SCN10A: variants seen among roughly 807,000 people sequenced by gnomAD.
SCN10A encodes the protein sodium channel protein type 10 subunit alpha.
SCN10A carries 162 observed loss-of-function variants against 170.7 expected under a neutral mutation model. The observed-to-expected ratio is 0.95, with a 90% CI of 0.84 to 1.08. The LOEUF is 1.08. Ranked by LOEUF, SCN10A falls within the 50% of genes least tolerant of loss-of-function variation. The probability of loss-of-function intolerance (pLI) is 0.00; values close to 1 mark genes in which losing one functional copy is unlikely to be tolerated. For synonymous variants in SCN10A, 985 were observed against 904.6 expected (o/e 1.09, Z -1.59); for missense variants, 2,527 against 2,436.9 (o/e 1.04, Z -0.78).
chr3:38,749,368 CA>C (rs887184275), intron 13 of SCN10A, among the ~76,000 whole-genome samples: 4 of 151,906 alleles, frequency 2.6e-5, no homozygotes, highest in Admixed American at 2.0e-4. Flanking sequence ...TACCCTAAGG[CA>C]AAAAAAGGCT....
At chr3:38,704,809 C>A (rs967265673) in intron 26 of SCN10A, among the ~76,000 whole-genome samples, 2 of 152,182 alleles carry the variant, frequency 1.3e-5, no homozygotes, top group African/African-American at 4.8e-5. Context: ...ACTGATGGGG[C>A]AGAAATCCTG....
intron 1 of SCN10A, among the ~76,000 whole-genome samples, chr3:38,811,322 G>A (rs376020648): frequency 1.2e-3 from 182 of 151,964 alleles, no homozygotes; most frequent in African/African-American, 4.2e-3. Flanking sequence ...GCATGGTGGC[G>A]TGAACCTGTA....
At chr3:38,740,919 T>C (rs974983267) in intron 14 of SCN10A, among the ~76,000 whole-genome samples, 2 of 152,204 alleles carry the variant, frequency 1.3e-5, no homozygotes, top group East Asian at 3.9e-4. Flanking sequence ...GGTCTTAGGC[T>C]GACTTCTTGG....
rs1234812427 is a variant in SCN10A at position 38,697,488 on chromosome 3, GTTTCAGATTTGTCTGGGAGTACACAAT to G, written c.5705_5731del (p.Asn1902_Glu1910del). The G allele has an allele frequency of 6.2e-7, 1 of 1,614,062 alleles. No individual in the cohort carries two copies. The highest frequency in any genetic ancestry group is 8.5e-7 in the Non-Finnish European group (1 of 1,180,052). Reference sequence around the variant, plus strand: ...CGGTGGGAATGATGTGGCAGAAGCAGTTTCAGATTTGTCTGGGAGTACACAATTTTCATTTGCTGTGAATGCAACAAA... The same window carrying G: ...CGGTGGGAATGATGTGGCAGAAGCAGTTTCATTTGCTGTGAATGCAACAAA... On this transcript the variant is annotated inframe_deletion, in exon 28 of 28. Coordinates refer to ENST00000449082, the MANE Select transcript of SCN10A (RefSeq NM_006514.4).
rs370805147 is a variant in SCN10A, at chr3:38,702,131, G to T, written c.4387-22C>A. 3.3e-6 allele frequency: 5 copies of T among 1,526,854 alleles called. No homozygotes were observed. In the African/African-American group the frequency reaches 6.9e-5, roughly 21 times the overall value. 94.6% of individuals were successfully genotyped at this position (1,526,854 alleles called of 1,614,324 possible). A position where few individuals can be genotyped will look rare whatever the true frequency, so the allele number is the denominator to read the frequency against. On this transcript the variant is annotated intron_variant, in intron 26 of 27. Transcript: ENST00000449082. ...TGTTCTGAGAAAACAAGAGATAGTG[G>T]CATCAGGGCCTTTGGGCCAGCACAA...
chr3:38,792,360 C>A (rs193035864), intron 2 of SCN10A, among the ~76,000 whole-genome samples, 192 bp from the exon 3 acceptor site: 1 of 152,032 alleles, frequency 6.6e-6, no homozygotes, highest in Non-Finnish European at 1.5e-5. Flanking sequence ...ATATCCTCAC[C>A]CTCTCAGCAA....
chr3:38,743,614 T>G (rs774529527), intron 13 of SCN10A, among the ~76,000 whole-genome samples: 10 of 152,184 alleles, frequency 6.6e-5, no homozygotes, highest in Admixed American at 1.3e-4. Flanking sequence ...TTATAACATT[T>G]GACAGAATTT....
chr3:38,734,288 C>A (rs1460337927), intron 15 of SCN10A, among the ~76,000 whole-genome samples: 1 of 152,148 alleles, frequency 6.6e-6, no homozygotes, highest in Non-Finnish European at 1.5e-5. Flanking sequence ...TCCCAAAATT[C>A]TGGGATTACA....
intron 13 of SCN10A, among the ~76,000 whole-genome samples, chr3:38,743,125 G>A (rs1226623468): frequency 1.3e-5 from 2 of 151,962 alleles, no homozygotes; most frequent in African/African-American, 4.8e-5. Flanking sequence ...TCTAACCTCC[G>A]GCTCTTCTTT....
intron 11 of SCN10A, 33 bp from the exon 12 acceptor site, chr3:38,752,545 G>A: frequency 6.7e-7 from 1 of 1,500,294 alleles, no homozygotes. Context: ...AAGAAGGCTG[G>A]AAACTGGTCC....
chr3:38,773,801 A>G (rs1384741185), intron 4 of SCN10A, among the ~76,000 whole-genome samples: 1 of 152,258 alleles, frequency 6.6e-6, no homozygotes, highest in Non-Finnish European at 1.5e-5. Context: ...TGTAACAGGA[A>G]GATGAGGGTG....
intron 24 of SCN10A, among the ~76,000 whole-genome samples, chr3:38,710,563 C>T (rs891384653): frequency 1.3e-5 from 2 of 152,176 alleles, no homozygotes; most frequent in African/African-American, 4.8e-5. Context: ...GGGAGTGGCT[C>T]ACATGAACTG....
intron 15 of SCN10A, among the ~76,000 whole-genome samples, chr3:38,735,489 G>A (rs1297672719): frequency 6.6e-6 from 1 of 152,220 alleles, no homozygotes; most frequent in East Asian, 1.9e-4. Flanking sequence ...AAGATTATAA[G>A]TCTTCCCAAA....
At chr3:38,723,346 T>C in intron 19 of SCN10A, 84 bp downstream of exon 19, 5 of 1,540,878 alleles carry the variant, frequency 3.2e-6, no homozygotes, top group Non-Finnish European at 4.5e-6. Flanking sequence ...GTTTGTCTTC[T>C]GTGGATCCCA....
chr3:38,720,471 C>A (rs1420902785), intron 20 of SCN10A, among the ~76,000 whole-genome samples: 1 of 151,782 alleles, frequency 6.6e-6, no homozygotes, highest in East Asian at 1.9e-4. Flanking sequence ...ATTTTTTTTT[C>A]TTTACCTTTT....
chr3:38,801,488 CT>C (rs2064370249), intron 1 of SCN10A, among the ~76,000 whole-genome samples: 1 of 152,166 alleles, frequency 6.6e-6, no homozygotes, highest in Non-Finnish European at 1.5e-5. Context: ...AGATTCAGAG[CT>C]TTACAATCTC....
chr3:38,697,959 T>C lies in SCN10A; in HGVS notation c.5261A>G (p.Glu1754Gly), dbSNP rs1256454821. The change falls in exon 28 of 28, where the codon GAG becomes GGG. Residue 1754 changes from glutamate (E) to glycine (G), a missense_variant. Glu to Gly is a moderately conservative substitution (Grantham distance 98). Coordinates refer to ENST00000449082, the MANE Select transcript of SCN10A (RefSeq NM_006514.4). Reference protein sequence around the residue: ...FYETWEKFDPEATQFITFSAL... With the variant: ...FYETWEKFDPGATQFITFSAL... The stretch of plus-strand genomic sequence containing the variant: ...AGAAAAGGTAATAAACTGAGTGGCC[T>C]CTGGGTCAAACTTCTCCCAGGTCTC... 3.1e-6 allele frequency: 5 copies of C among 1,614,062 alleles called. No homozygotes were observed. Among genetic ancestry groups the C allele is most frequent in the Non-Finnish European group, 4.2e-6 (5 of 1,180,054 alleles).
At chr3:38,740,248 TTCTTTTAGGCTC>T (rs2063616783) in intron 14 of SCN10A, among the ~76,000 whole-genome samples, 5 of 152,310 alleles carry the variant, frequency 3.3e-5, no homozygotes, top group African/African-American at 1.2e-4. Flanking sequence ...GCCTCTAAGA[TTCTTTTAGGCTC>T]TGTGTGTCTC....
chr3:38,783,951 T>A (rs1007068624), intron 4 of SCN10A, among the ~76,000 whole-genome samples: 2 of 152,034 alleles, frequency 1.3e-5, no homozygotes, highest in African/African-American at 2.4e-5. Context: ...CTCTTTGATT[T>A]AAAAAAAGGT....
Sources: gnomAD v4.1 joint callset for allele counts (sites outside exome capture counted in the v4.1 genomes callset) on GRCh38, gnomAD v4.1.1 for gene constraint, MANE v1.5 for transcripts, NCBI Gene and HGNC (gene_info 2026-07-23, HGNC 2026-07-21) for gene names.